Variants in CNTN3 observed in about 807,000 individuals in gnomAD.
CNTN3 encodes the protein contactin-3.
In CNTN3, 60 loss-of-function variants were observed where a neutral mutation model predicts 119.1. The ratio of observed to expected loss-of-function variants is 0.50; its 90% CI spans 0.41 to 0.62. The LOEUF is 0.62. Among genes scored for constraint, CNTN3 ranks in the 20% least tolerant of loss-of-function variants. The pLI is 0.00. For missense variants in CNTN3, 1,101 were observed against 1,242.4 expected, an observed-to-expected ratio of 0.89 and a Z score of 1.71; for synonymous variants, 450 against 438.7, an observed-to-expected ratio of 1.03 and a Z score of -0.32.
chr3:74,293,559 C>T (rs1032781959), intron 19 of CNTN3, among the ~76,000 whole-genome samples: 5 of 152,132 alleles, frequency 3.3e-5, no homozygotes, highest in African/African-American at 9.7e-5. Flanking sequence ...ACTGAAGCCT[C>T]GACCTCCTGG....
At chr3:74,592,077 G>A (rs1420412633) in intron 1 of CNTN3, among the ~76,000 whole-genome samples, 1 of 151,874 alleles carries the variant, frequency 6.6e-6, no homozygotes, top group African/African-American at 2.4e-5. Context: ...AAAGTTCAGT[G>A]GTATAAAAGT....
chr3:74,270,308 C>A (rs1486063030), intron 20 of CNTN3, among the ~76,000 whole-genome samples: 1 of 152,148 alleles, frequency 6.6e-6, no homozygotes, highest in Non-Finnish European at 1.5e-5. Flanking sequence ...CAAGTGGCAG[C>A]CATAAAAGTC....
intron 5 of CNTN3, among the ~76,000 whole-genome samples, chr3:74,388,977 C>A (rs984700552): frequency 6.6e-6 from 1 of 152,144 alleles, no homozygotes; most frequent in Non-Finnish European, 1.5e-5. Flanking sequence ...TCTGGCCATT[C>A]GTCTTACACG....
At position 74,466,832 on chromosome 3, in the gene CNTN3, G is replaced by A. The variant is rs75915243; in HGVS notation, c.358+19624C>T. ...CATAAAAGAAATGAATGTACCTATT[G>A]ATTGTACGTCATTATGTATTAGTAT... On this transcript the variant is annotated intron_variant, in intron 4 of 22. Transcript: ENST00000263665. Among the ~76,000 whole-genome samples the A allele has an allele frequency of 2.5e-3, 381 of 152,232 alleles. 2 individuals are homozygous for A. The highest frequency in any genetic ancestry group is 8.8e-3 in the African/African-American group (366 of 41,558).
At chr3:74,387,112 T>A (rs1022873492) in intron 5 of CNTN3, among the ~76,000 whole-genome samples, 1 of 152,188 alleles carries the variant, frequency 6.6e-6, no homozygotes, top group East Asian at 1.9e-4. Context: ...AAAGTGATGA[T>A]GTGTGGAGAT....
At chr3:74,358,075 C>G (rs959313494) in intron 11 of CNTN3, among the ~76,000 whole-genome samples, 1 of 152,122 alleles carries the variant, frequency 6.6e-6, no homozygotes, top group Non-Finnish European at 1.5e-5. Flanking sequence ...GGTTCAAGTC[C>G]GCAACTTGTT....
intron 8 of CNTN3, among the ~76,000 whole-genome samples, chr3:74,367,219 A>C (rs1704218625): frequency 6.6e-6 from 1 of 152,074 alleles, no homozygotes; most frequent in African/African-American, 2.4e-5. Flanking sequence ...CTTTCATGAA[A>C]TGCTTTATGC....
chr3:74,586,567 A>T (rs528403522), intron 1 of CNTN3, among the ~76,000 whole-genome samples: 5 of 152,078 alleles, frequency 3.3e-5, no homozygotes, highest in Non-Finnish European at 4.4e-5. Flanking sequence ...AGAACTGTCT[A>T]GCTTTGAGAC....
intron 5 of CNTN3, among the ~76,000 whole-genome samples, chr3:74,421,988 A>AGTTTC (rs1701623137): frequency 6.6e-6 from 1 of 152,336 alleles, no homozygotes; most frequent in Admixed American, 6.5e-5. Context: ...ATCTTCACAA[A>AGTTTC]GTTTCCAGTG....
rs745795226 is a variant in CNTN3, at chr3:74,371,257, T to C, written c.597A>G (p.Thr199=). The C allele has an allele frequency of 6.2e-7, 1 of 1,613,554 alleles. No homozygotes were observed. The highest frequency in any genetic ancestry group is 1.1e-5 in the South Asian group (1 of 91,076). ...GCACTCGGGCATTTGTCACCATACT[T>C]GTCACCACACATGTGTAATTTCCCA... ...SDVGNYTCVV[T]SMVTNARVLG... Residue 199 remains threonine (T), a synonymous_variant, in exon 6 of 23, where the codon ACA becomes ACG. Coordinates refer to ENST00000263665, the MANE Select transcript of CNTN3 (RefSeq NM_020872.3).
chr3:74,354,915 T>C (rs893472105), intron 11 of CNTN3, among the ~76,000 whole-genome samples: 6 of 152,230 alleles, frequency 3.9e-5, no homozygotes, highest in African/African-American at 1.4e-4. Context: ...AGGTAAGCTG[T>C]ACAGCCTCTA....
intron 1 of CNTN3, among the ~76,000 whole-genome samples, chr3:74,589,579 C>T (rs1479159644): frequency 2.1e-5 from 3 of 142,470 alleles, no homozygotes; most frequent in Admixed American, 1.4e-4. Context: ...ACTAGAAATA[C>T]CATTTGACCC....
chr3:74,607,112 C>T (rs1277994111), intron 1 of CNTN3, among the ~76,000 whole-genome samples: 16 of 152,084 alleles, frequency 1.1e-4, no homozygotes, highest in Admixed American at 1.3e-4. Context: ...TAACCTGCCT[C>T]GTATATGCAA....
intron 4 of CNTN3, among the ~76,000 whole-genome samples, chr3:74,467,001 G>C (rs990001367): frequency 6.6e-6 from 1 of 151,990 alleles, no homozygotes; most frequent in Admixed American, 6.6e-5. Flanking sequence ...AATAACCAAA[G>C]TGATGATATA....
chr3:74,372,834 C>T (rs2106794658), intron 5 of CNTN3, among the ~76,000 whole-genome samples: 1 of 152,124 alleles, frequency 6.6e-6, no homozygotes, highest in African/African-American at 2.4e-5. Context: ...GACAGGAGAA[C>T]ACCCCAACAA....
At chr3:74,456,276 A>C (rs533863668) in intron 4 of CNTN3, among the ~76,000 whole-genome samples, 48 of 152,150 alleles carry the variant, frequency 3.2e-4, no homozygotes, top group Non-Finnish European at 5.4e-4. Flanking sequence ...AAGAATATTC[A>C]TGTTTAGTTA....
chr3:74,269,004 G>A (rs139477205), intron 20 of CNTN3, among the ~76,000 whole-genome samples: 86 of 144,642 alleles, frequency 5.9e-4, no homozygotes, highest in Non-Finnish European at 4.1e-4. Context: ...TACGTGGGCT[G>A]AATGAGTTCA....
intron 11 of CNTN3, among the ~76,000 whole-genome samples, chr3:74,338,905 G>A (rs1275990379): frequency 6.6e-6 from 1 of 151,922 alleles, no homozygotes; most frequent in Non-Finnish European, 1.5e-5. Context: ...AACAAAAAGG[G>A]ACATACCTGA....
At chr3:74,320,949 GA>G (rs1321778720) in intron 13 of CNTN3, among the ~76,000 whole-genome samples, 4,951 of 139,148 alleles carry the variant, frequency 0.036, 231 homozygotes, top group African/African-American at 0.1. Context: ...ATGTTGAATT[GA>G]AAAAAAAAAA....
Sources: gnomAD v4.1 joint callset for allele counts (sites outside exome capture counted in the v4.1 genomes callset) on GRCh38, gnomAD v4.1.1 for gene constraint, MANE v1.5 for transcripts, NCBI Gene and HGNC (gene_info 2026-07-23, HGNC 2026-07-21) for gene names.